Variants in RPS6KA1 observed in about 807,000 individuals in gnomAD.
RPS6KA1 encodes ribosomal protein S6 kinase alpha-1.
A neutral mutation model predicts 91.3 loss-of-function variants in RPS6KA1; 48 were observed. That is an observed-to-expected ratio of 0.53 (90% CI 0.42 to 0.67). The LOEUF (loss-of-function observed/expected upper bound fraction) is 0.67, where lower values mean the gene tolerates loss of function less well. RPS6KA1 is among the 30% of genes least tolerant of loss of function. RPS6KA1 has a pLI of 0.00. For missense variants in RPS6KA1, 719 were observed against 960.5 expected, an observed-to-expected ratio of 0.75 and a Z score of 3.32; for synonymous variants, 359 against 384.7, an observed-to-expected ratio of 0.93 and a Z score of 0.78.
rs575919535 is a variant in RPS6KA1, at chr1:26,545,634, G to A, written c.109-1233G>A. Among the ~76,000 whole-genome samples, 3 of 152,304 alleles carry A rather than the reference G, an allele frequency of 2.0e-5. No homozygotes were observed. In the South Asian group the frequency reaches 6.2e-4, roughly 32 times the overall value. ...TCTGCTCAGCAGCTGCATTGGCAGG[G>A]GACTTTCCCTTTGTAGGCCCACAGG... On this transcript the variant is annotated intron_variant, in intron 2 of 21. Transcript: ENST00000374168.
chr1:26,557,210 T>C (rs2076110416), intron 13 of RPS6KA1, 110 bp downstream of exon 13: 1 of 805,052 alleles, frequency 1.2e-6, no homozygotes, highest in African/African-American at 1.7e-5. Flanking sequence ...GGCCGAGGTA[T>C]GCGGGTGGGC....
In RPS6KA1 at chr1:26,536,152, T is replaced by TAA. The variant is rs35238041; in HGVS notation, c.64-749_64-748dup. 9.9e-3 allele frequency among the ~76,000 whole-genome samples: 735 copies of TAA among 74,324 alleles called. 13 individuals are homozygous for TAA. The highest frequency in any genetic ancestry group is 0.03 in the African/African-American group (570 of 19,072). The allele number at this position is 74,324 out of a possible 152,430, so 48.8% of individuals were successfully genotyped here. A position where few individuals can be genotyped will look rare whatever the true frequency, so the allele number is the denominator to read the frequency against. On this transcript the variant is annotated intron_variant, in intron 1 of 21. Coordinates refer to ENST00000374168, the MANE Select transcript of RPS6KA1 (RefSeq NM_002953.4). ...CTCAGCAACAGAGCAAAACTCTGTC[T>TAA]AAAAAAAAAAAAAAAAAAAAAAAAA...
In RPS6KA1 at chr1:26,547,073, T is replaced by G. The variant is rs1189930965; in HGVS notation, c.225+90T>G. ...ACCTAGGGGCCCAAAGGATCAGAGG[T>G]CACCTTGGTACCCAGGGAGAGCAAA... On this transcript the variant is annotated intron_variant, in intron 3 of 21. Coordinates refer to ENST00000374168, the MANE Select transcript of RPS6KA1 (RefSeq NM_002953.4). This position sits in a 1 kb window ranked among gnomAD's most constrained non-coding sequence, Gnocchi z 4.1. The G allele has an allele frequency of 2.0e-6, 3 of 1,514,948 alleles. No homozygotes were observed. In the Admixed American group the frequency reaches 5.0e-5, roughly 25 times the overall value. 93.8% of individuals were successfully genotyped at this position (1,514,948 alleles called of 1,614,324 possible).
chr1:26,536,811 A>T, intron 1 of RPS6KA1, 114 bp from the exon 2 acceptor site: 1 of 1,200,998 alleles, frequency 8.3e-7, no homozygotes, highest in Non-Finnish European at 1.2e-6. Context: ...CTGCCCTACC[A>T]CCATGGCCTC....
intron 2 of RPS6KA1, chr1:26,545,941 C>A (rs148249059): frequency 3.9e-5 from 63 of 1,597,784 alleles, no homozygotes; most frequent in Non-Finnish European, 4.5e-5. Context: ...CGGCTCTGGG[C>A]CCTGATCCCC....
Position 26,529,846 on chromosome 1 carries a change from G to T in RPS6KA1, c.-75G>T, listed in dbSNP as rs1407702695. On this transcript the variant is annotated 5_prime_UTR_variant, in exon 1 of 22. Coordinates refer to ENST00000374168, the MANE Select transcript of RPS6KA1 (RefSeq NM_002953.4). This position sits in a 1 kb window ranked among gnomAD's most constrained non-coding sequence, Gnocchi z 4.2. ...GGGGCGCGGCGGTTCGGGTCGCAGAGCCAGGGACCCCAGGACCCGGGAGGC... is the reference window on the plus strand; with the variant it reads ...GGGGCGCGGCGGTTCGGGTCGCAGATCCAGGGACCCCAGGACCCGGGAGGC... 17 of 1,223,530 alleles carry T rather than the reference G, an allele frequency of 1.4e-5. No individual in the cohort carries two copies. The highest frequency in any genetic ancestry group is 1.8e-5 in the Non-Finnish European group (17 of 945,630). 75.8% of individuals were successfully genotyped at this position (1,223,530 alleles called of 1,614,324 possible).
Position 26,573,307 on chromosome 1 carries a change from G to GA in RPS6KA1, c.2034dup (p.Asp679ArgfsTer70). The GA allele has an allele frequency of 6.2e-7, 1 of 1,614,204 alleles. No individual in the cohort carries two copies. On this transcript the variant is annotated frameshift_variant, in exon 21 of 22. Coordinates refer to ENST00000374168, the MANE Select transcript of RPS6KA1 (RefSeq NM_002953.4). LOFTEE classifies it high-confidence loss of function. ...TTCTGCAGCATCCATGGGTCACCCA[G>GA]AAAGACAAGCTTCCCCAAAGCCAGC...
In RPS6KA1 at chr1:26,551,387, G is replaced by A. The variant is rs200303573; in HGVS notation, c.308-10G>A. On this transcript the variant is annotated splice_polypyrimidine_tract_variant and intron_variant, in intron 4 of 21. Transcript: ENST00000374168. The surrounding 1 kb of genome is among the most constrained non-coding windows in gnomAD (Gnocchi z 4.5). ...TAGGCTACTGGTGACTTCCTTTCTC[G>A]TCTGGCCAGTACGTGACCGCGTCCG... The A allele has an allele frequency of 1.7e-4, 279 of 1,613,626 alleles. No individual in the cohort carries two copies. Among genetic ancestry groups the A allele is most frequent in the Non-Finnish European group, 2.0e-4 (234 of 1,179,696 alleles).
rs932827904 is a variant in RPS6KA1 at position 26,551,556 on chromosome 1, C to G, written c.388+79C>G. On this transcript the variant is annotated intron_variant, in intron 5 of 21. Transcript: ENST00000374168. This position sits in a 1 kb window ranked among gnomAD's most constrained non-coding sequence, Gnocchi z 4.5. ...CTGTGGTCTGTACACTGTCCCACCG[C>G]CTGCCTGGCAGGCCAAGGGAGCCAG... is the stretch of plus-strand genomic sequence containing the variant. 2.7e-5 allele frequency: 44 copies of G among 1,600,536 alleles called. No individual in the cohort carries two copies. The highest frequency in any genetic ancestry group is 3.7e-5 in the Non-Finnish European group (43 of 1,167,826).
At position 26,551,391 on chromosome 1, in the gene RPS6KA1, G is replaced by A; in HGVS notation, c.308-6G>A. The A allele has an allele frequency of 6.2e-7, 1 of 1,613,878 alleles. No individual in the cohort carries two copies. On this transcript the variant is annotated splice_region_variant and splice_polypyrimidine_tract_variant and intron_variant, in intron 4 of 21. Coordinates refer to ENST00000374168, the MANE Select transcript of RPS6KA1 (RefSeq NM_002953.4). The surrounding 1 kb of genome is among the most constrained non-coding windows in gnomAD (Gnocchi z 4.5). ...CTACTGGTGACTTCCTTTCTCGTCT[G>A]GCCAGTACGTGACCGCGTCCGGACC...
In RPS6KA1 at chr1:26,554,575, C is replaced by T; in HGVS notation, c.614-21C>T. ...GAAGGCAGGGGTCCTAAGGTGTGTC[C>T]TCCTGCCCTCCTTGCTGTAGACTTT... On this transcript the variant is annotated intron_variant, in intron 8 of 21. Transcript: ENST00000374168. This position sits in a 1 kb window ranked among gnomAD's most constrained non-coding sequence, Gnocchi z 4.6. 6.2e-7 allele frequency: 1 copy of T among 1,604,140 alleles called. No homozygotes were observed. The highest frequency in any genetic ancestry group is 8.5e-7 in the Non-Finnish European group (1 of 1,173,044).
intron 6 of RPS6KA1, among the ~76,000 whole-genome samples, chr1:26,552,606 C>G (rs2076062914): frequency 6.6e-6 from 1 of 150,838 alleles, no homozygotes; most frequent in Non-Finnish European, 1.5e-5. Flanking sequence ...CCTGCCTCAG[C>G]CTCCCGAGTA....
chr1:26,537,153 G>A (rs546542198), intron 2 of RPS6KA1, among the ~76,000 whole-genome samples, 184 bp downstream of exon 2: 7 of 152,350 alleles, frequency 4.6e-5, no homozygotes, highest in Admixed American at 4.6e-4. Flanking sequence ...TTCCTATTTT[G>A]TAGGTGAGGC....
chr1:26,574,505 A>C lies in RPS6KA1; in HGVS notation c.*304A>C. ...TCCATTTGCCTTTCTGGGAGCAGAA[A>C]CAGCCATTGCGGCCCCAGGAGGGGA... On this transcript the variant is annotated 3_prime_UTR_variant, in exon 22 of 22. Transcript: ENST00000374168. The surrounding 1 kb of genome is among the most constrained non-coding windows in gnomAD (Gnocchi z 4.3). 1 of 525,842 alleles carries C rather than the reference A, an allele frequency of 1.9e-6. No homozygotes were observed. 32.6% of individuals were successfully genotyped at this position (525,842 alleles called of 1,614,324 possible).
chr1:26,562,930 G>C (rs1004742715), intron 17 of RPS6KA1, among the ~76,000 whole-genome samples: 1 of 131,782 alleles, frequency 7.6e-6, no homozygotes, highest in African/African-American at 3.4e-5. Flanking sequence ...TCTGCCTCCC[G>C]GGTTCAAGTG....
chr1:26,559,161 A>G (rs890122634), intron 14 of RPS6KA1, among the ~76,000 whole-genome samples: 1 of 152,144 alleles, frequency 6.6e-6, no homozygotes, highest in Non-Finnish European at 1.5e-5. Flanking sequence ...GGGTCTGGGT[A>G]CATGTCAGGA....
chr1:26,550,543 T>C (rs1250067963), intron 4 of RPS6KA1, among the ~76,000 whole-genome samples: 1 of 152,128 alleles, frequency 6.6e-6, no homozygotes, highest in Non-Finnish European at 1.5e-5. Context: ...AGTCTCGAAC[T>C]CCTGACCTCA....
At chr1:26,549,690 C>CTTTTTTTTTTTTTTTTT (rs561375723) in intron 4 of RPS6KA1, among the ~76,000 whole-genome samples, 1 of 101,916 alleles carries the variant, frequency 9.8e-6, no homozygotes, top group Non-Finnish European at 1.9e-5. Flanking sequence ...AAAGCCTGTT[C>CTTTTTTTTTTTTTTTTT]TTTTTTTTTT....
rs1312079926 is a variant in RPS6KA1 at position 26,558,051 on chromosome 1, A to T, written c.1085-756A>T. On this transcript the variant is annotated intron_variant, in intron 13 of 21. Transcript: ENST00000374168. This position sits in a 1 kb window ranked among gnomAD's most constrained non-coding sequence, Gnocchi z 4.0. Reference sequence around the variant, plus strand: ...ACCATGTTGGCCAGGCTGGTCTCGAACTCCTGACCTCAGGTGATCCACAAG... The same window carrying T: ...ACCATGTTGGCCAGGCTGGTCTCGATCTCCTGACCTCAGGTGATCCACAAG... Among the ~76,000 whole-genome samples the T allele has an allele frequency of 3.3e-5, 5 of 151,556 alleles. No individual in the cohort carries two copies. Among genetic ancestry groups the T allele is most frequent in the African/African-American group, 1.2e-4 (5 of 41,190 alleles).
Sources: allele counts gnomAD v4.1 joint callset (sites outside exome capture counted in the v4.1 genomes callset), GRCh38; gene constraint gnomAD v4.1.1; non-coding constraint Gnocchi (gnomAD v3.1); transcripts MANE v1.5; gene names NCBI Gene and HGNC (gene_info 2026-07-23, HGNC 2026-07-21).